Variants in PLCE1 observed in about 807,000 individuals in gnomAD.
PLCE1 encodes 1-phosphatidylinositol 4,5-bisphosphate phosphodiesterase epsilon-1.
Under a neutral mutation model 242.8 loss-of-function variants are expected in PLCE1, and 119 were observed. The ratio of observed to expected loss-of-function variants is 0.49; its 90% CI spans 0.42 to 0.57. The LOEUF (loss-of-function observed/expected upper bound fraction) is 0.57. Among genes scored for constraint, PLCE1 ranks in the 20% least tolerant of loss-of-function variants. PLCE1 has a pLI of 0.00. For synonymous variants in PLCE1, 945 were observed against 1,017.4 expected (o/e 0.93, Z 1.35); for missense variants, 2,441 against 2,788.8 (o/e 0.88, Z 2.81).
intron 2 of PLCE1, among the ~76,000 whole-genome samples, chr10:94,116,396 T>G (rs1221198021): frequency 6.6e-6 from 1 of 152,184 alleles, no homozygotes; most frequent in African/African-American, 2.4e-5. Flanking sequence ...AAGTCTGCCT[T>G]AAGAATTTTT....
At chr10:94,095,261 T>C (rs2045262886) in intron 2 of PLCE1, among the ~76,000 whole-genome samples, 1 of 152,214 alleles carries the variant, frequency 6.6e-6, no homozygotes, top group Non-Finnish European at 1.5e-5. Flanking sequence ...TAGGATCCCC[T>C]CTGCAGCATG....
intron 4 of PLCE1, among the ~76,000 whole-genome samples, chr10:94,199,629 C>CA (rs2048932032): frequency 1.3e-5 from 2 of 152,144 alleles, no homozygotes; most frequent in African/African-American, 4.8e-5. Flanking sequence ...TCTTAGACGG[C>CA]AAAAAGGTTT....
chr10:94,012,438 T>C (rs1372485607), intron 1 of PLCE1, among the ~76,000 whole-genome samples: 2 of 151,738 alleles, frequency 1.3e-5, no homozygotes, highest in Non-Finnish European at 2.9e-5. Flanking sequence ...GGACTTGAGT[T>C]TGGAGGGGTA....
At chr10:94,096,767 A>G (rs999688132) in intron 2 of PLCE1, 5 of 152,244 alleles carry the variant, frequency 3.3e-5, no homozygotes, top group Non-Finnish European at 5.9e-5. Context: ...ACCATCGTAA[A>G]GAGATACTGT....
intron 4 of PLCE1, among the ~76,000 whole-genome samples, chr10:94,201,011 G>A (rs759383609): frequency 6.6e-6 from 1 of 152,150 alleles, no homozygotes. Flanking sequence ...ATGACTGAAG[G>A]TGATGTGGGA....
At chr10:94,124,025 G>A (rs2046370503) in intron 2 of PLCE1, among the ~76,000 whole-genome samples, 4 of 152,156 alleles carry the variant, frequency 2.6e-5, no homozygotes, top group Admixed American at 2.6e-4. Context: ...AGAAGCTAAT[G>A]TATTAGAGAA....
intron 2 of PLCE1, among the ~76,000 whole-genome samples, chr10:94,098,664 T>G (rs907304744): frequency 2.0e-5 from 3 of 152,242 alleles, no homozygotes; most frequent in African/African-American, 7.2e-5. Context: ...ATTATCTCTT[T>G]TTATTCTCTC....
At chr10:94,056,522 A>T (rs1396339225) in intron 2 of PLCE1, among the ~76,000 whole-genome samples, 1 of 152,216 alleles carries the variant, frequency 6.6e-6, no homozygotes, top group Non-Finnish European at 1.5e-5. Context: ...GCCTAGTGTT[A>T]ATATTTGGTA....
chr10:94,022,489 G>A (rs1011621091), intron 1 of PLCE1, among the ~76,000 whole-genome samples: 20 of 151,806 alleles, frequency 1.3e-4, no homozygotes, highest in African/African-American at 4.8e-4. Flanking sequence ...AAATATATAT[G>A]TAAATCCATG....
intron 2 of PLCE1, among the ~76,000 whole-genome samples, chr10:94,046,081 C>T (rs2061877595): frequency 3.3e-5 from 5 of 152,132 alleles, no homozygotes; most frequent in Admixed American, 3.3e-4. Flanking sequence ...CTTTAAGAAA[C>T]TGGCACATCT....
At chr10:94,234,688 A>T (rs2050258271) in intron 6 of PLCE1, among the ~76,000 whole-genome samples, 1 of 152,188 alleles carries the variant, frequency 6.6e-6, no homozygotes, top group Admixed American at 6.5e-5. Context: ...GGAAGAAAAA[A>T]GAGGGGAAGT....
intron 3 of PLCE1, among the ~76,000 whole-genome samples, chr10:94,134,892 G>A (rs1404024042): frequency 6.6e-6 from 1 of 152,112 alleles, no homozygotes; most frequent in Non-Finnish European, 1.5e-5. Flanking sequence ...TTAACTTTTT[G>A]CTTTGAAGCT....
At chr10:94,023,443 C>T (rs1254850600) in intron 1 of PLCE1, among the ~76,000 whole-genome samples, 2 of 152,150 alleles carry the variant, frequency 1.3e-5, no homozygotes, top group Non-Finnish European at 2.9e-5. Flanking sequence ...CACATAACTC[C>T]AGAATCTTGA....
intron 19 of PLCE1, chr10:94,279,570 G>A: frequency 1.7e-6 from 1 of 591,710 alleles, no homozygotes; most frequent in Non-Finnish European, 3.0e-6. Context: ...GTTTATAAAA[G>A]CTCCAGGATT....
chr10:94,121,002 G>A (rs890625881), intron 2 of PLCE1: 2 of 152,258 alleles, frequency 1.3e-5, no homozygotes, highest in African/African-American at 4.8e-5. Flanking sequence ...AGAGAAGTGA[G>A]TGAAAGGAAT....
At chr10:94,299,497 G>C (rs2052961996) in intron 24 of PLCE1, among the ~76,000 whole-genome samples, 1 of 152,192 alleles carries the variant, frequency 6.6e-6, no homozygotes, top group Admixed American at 6.5e-5. Context: ...CTTGGTTATG[G>C]GGGAGGAGAG....
chr10:94,023,306 G>GA (rs1589869132), intron 1 of PLCE1, among the ~76,000 whole-genome samples: 1 of 152,128 alleles, frequency 6.6e-6, no homozygotes, highest in Non-Finnish European at 1.5e-5. Flanking sequence ...GATGAAGCTG[G>GA]AAAAAATAGA....
intron 3 of PLCE1, among the ~76,000 whole-genome samples, chr10:94,136,659 T>A (rs985575848): frequency 2.6e-5 from 4 of 152,214 alleles, no homozygotes; most frequent in African/African-American, 7.2e-5. Flanking sequence ...GCCTTGGGGC[T>A]TTATGGATTG....
At chr10:94,166,579 G>GGTGTGTGTGTGT (rs56088035) in intron 3 of PLCE1, among the ~76,000 whole-genome samples, 8,237 of 145,870 alleles carry the variant, frequency 0.056, 392 homozygotes, top group African/African-American at 0.13. Flanking sequence ...AGAGAAAAAA[G>GGTGTGTGTGTGT]GTGTGTGTGT....
Sources: allele counts gnomAD v4.1 joint callset (sites outside exome capture counted in the v4.1 genomes callset), GRCh38; gene constraint gnomAD v4.1.1; transcripts MANE v1.5; gene names NCBI Gene and HGNC (gene_info 2026-07-23, HGNC 2026-07-21).